ZNF407: variants seen among roughly 807,000 people sequenced by gnomAD.
ZNF407 encodes the protein zinc finger protein 407.
Under a neutral mutation model 131.2 loss-of-function variants are expected in ZNF407, and 17 were observed. The observed-to-expected ratio is 0.13, with a 90% CI of 0.09 to 0.19. The LOEUF is 0.19. ZNF407 is among the 10% of genes least tolerant of loss of function. The probability of loss-of-function intolerance (pLI) is 1.00; values close to 1 mark genes in which losing one functional copy is unlikely to be tolerated. For missense variants in ZNF407, 2,681 were observed against 2,830.6 expected, an observed-to-expected ratio of 0.95 and a Z score of 1.20; for synonymous variants, 1,156 against 1,062.0, an observed-to-expected ratio of 1.09 and a Z score of -1.72.
chr18:75,005,926 G>C (rs1481297041), intron 8 of ZNF407, among the ~76,000 whole-genome samples: 4 of 152,016 alleles, frequency 2.6e-5, no homozygotes, highest in Non-Finnish European at 5.9e-5. Context: ...GTGAACAGCG[G>C]GTCTATGGGA....
intron 8 of ZNF407, among the ~76,000 whole-genome samples, chr18:74,934,579 C>T (rs1408862048): frequency 2.6e-5 from 4 of 152,170 alleles, no homozygotes; most frequent in Non-Finnish European, 5.9e-5. Flanking sequence ...GAGGCCAAGG[C>T]GGGTGGATCA....
chr18:74,668,578 T>C (rs1986020939), intron 3 of ZNF407, among the ~76,000 whole-genome samples: 1 of 152,236 alleles, frequency 6.6e-6, no homozygotes, highest in South Asian at 2.1e-4. Flanking sequence ...GAGACCGTTT[T>C]TCTTACTGCT....
At chr18:74,938,779 A>G (rs532935735) in intron 8 of ZNF407, among the ~76,000 whole-genome samples, 122 of 152,332 alleles carry the variant, frequency 8.0e-4, no homozygotes, top group Non-Finnish European at 1.5e-3. Flanking sequence ...ACTGGGTCCA[A>G]TTTTCTAAGA....
intron 3 of ZNF407, among the ~76,000 whole-genome samples, chr18:74,751,404 G>A (rs1031280155): frequency 6.6e-6 from 1 of 151,762 alleles, no homozygotes; most frequent in African/African-American, 2.4e-5. Flanking sequence ...TTAAGTTCTA[G>A]GGTACATGTG....
intron 4 of ZNF407, 90 bp from the exon 5 acceptor site, chr18:74,877,107 C>A: frequency 8.8e-7 from 1 of 1,135,488 alleles, no homozygotes; most frequent in Non-Finnish European, 1.3e-6. Flanking sequence ...GCGTGTGCAC[C>A]GCACCTCAGG....
At chr18:74,623,186 G>T (rs1238240570) in intron 1 of ZNF407, among the ~76,000 whole-genome samples, 1 of 151,818 alleles carries the variant, frequency 6.6e-6, no homozygotes, top group Non-Finnish European at 1.5e-5. Context: ...ATGTGAATCC[G>T]TGTGTGTCTG....
chr18:74,601,760 G>A (rs371163665), intron 1 of ZNF407, among the ~76,000 whole-genome samples: 2 of 152,132 alleles, frequency 1.3e-5, no homozygotes, highest in African/African-American at 4.8e-5. Context: ...GGACACCCCC[G>A]CCATAATTCA....
chr18:74,803,114 C>G (rs536522125), intron 4 of ZNF407, among the ~76,000 whole-genome samples: 3 of 152,176 alleles, frequency 2.0e-5, no homozygotes, highest in Admixed American at 6.5e-5. Context: ...GCGTTACCAC[C>G]CCCTTAGCCA....
intron 1 of ZNF407, among the ~76,000 whole-genome samples, chr18:74,608,815 T>G (rs1470968479): frequency 1.3e-5 from 2 of 152,220 alleles, no homozygotes; most frequent in Non-Finnish European, 2.9e-5. Flanking sequence ...AATCATGTCC[T>G]TCTCAGTGCA....
In ZNF407 at chr18:74,632,845, A is replaced by G. The variant is rs1166623700; in HGVS notation, c.1826A>G (p.Glu609Gly). 1 of 1,613,792 alleles carries G rather than the reference A, an allele frequency of 6.2e-7. No individual in the cohort carries two copies. The highest frequency in any genetic ancestry group is 8.5e-7 in the Non-Finnish European group (1 of 1,179,886). ...ATAAATCTTAGAGACCACATGAAGG[A>G]AAAGCACAATATGCATTTTCTTTGC... ...DEINLRDHMKEKHNMHFLCTP... is the reference protein window; with the variant it reads ...DEINLRDHMKGKHNMHFLCTP... The change falls in exon 2 of 9, where the codon GAA (glutamate) becomes GGA (glycine). Residue 609 changes from glutamate to glycine, a missense_variant. Physicochemically the swap from Glu to Gly is moderately conservative, Grantham distance 98. Transcript: ENST00000299687.
chr18:74,948,034 T>C (rs1439430984), intron 8 of ZNF407, among the ~76,000 whole-genome samples: 1 of 152,194 alleles, frequency 6.6e-6, no homozygotes, highest in Non-Finnish European at 1.5e-5. Context: ...AGGATACTTG[T>C]CTCCGGGCCT....
chr18:74,752,278 T>G (rs1968824621), intron 3 of ZNF407, among the ~76,000 whole-genome samples: 1 of 152,208 alleles, frequency 6.6e-6, no homozygotes, highest in Non-Finnish European at 1.5e-5. Flanking sequence ...ATATTAGCCC[T>G]TTGTCAGATG....
At chr18:74,728,993 C>G (rs1299880610) in intron 3 of ZNF407, among the ~76,000 whole-genome samples, 1 of 152,086 alleles carries the variant, frequency 6.6e-6, no homozygotes, top group Non-Finnish European at 1.5e-5. Flanking sequence ...CTTTTTTTCT[C>G]TCTGTGATGC....
chr18:74,738,707 C>T (rs1183482557), intron 3 of ZNF407, among the ~76,000 whole-genome samples: 1 of 152,038 alleles, frequency 6.6e-6, no homozygotes, highest in Non-Finnish European at 1.5e-5. Flanking sequence ...CCATTCATCT[C>T]CAGCCCGGGT....
At chr18:75,000,131 G>A (rs1359944303) in intron 8 of ZNF407, among the ~76,000 whole-genome samples, 1 of 152,162 alleles carries the variant, frequency 6.6e-6, no homozygotes, top group African/African-American at 2.4e-5. Flanking sequence ...CTGTGGGCGG[G>A]TCCACAGGAA....
At chr18:75,025,635 T>G (rs891509103) in intron 8 of ZNF407, among the ~76,000 whole-genome samples, 12 of 152,138 alleles carry the variant, frequency 7.9e-5, no homozygotes, top group South Asian at 2.1e-4. Context: ...AGCATTTTGT[T>G]TGTGTGTTAT....
At position 74,980,077 on chromosome 18, in the gene ZNF407, G is replaced by A. The variant is rs150766254; in HGVS notation, c.5428+59385G>A. Among the ~76,000 whole-genome samples, 807 of 151,388 alleles carry A rather than the reference G, an allele frequency of 5.3e-3. 9 individuals carry two copies. Among genetic ancestry groups the A allele is most frequent in the Non-Finnish European group, 8.9e-3 (606 of 67,878 alleles). ...TTTTAATAAAGGGTCGTGTTCTTGC[G>A]TAAAAGCTGCTTCCACTGTTGGAAA... On this transcript the variant is annotated intron_variant, in intron 8 of 8. Transcript: ENST00000299687.
chr18:74,969,806 G>T (rs1419528622), intron 8 of ZNF407, among the ~76,000 whole-genome samples: 3 of 152,298 alleles, frequency 2.0e-5, no homozygotes, highest in African/African-American at 7.2e-5. Context: ...TGTTATTGAT[G>T]GTTTGGTTAA....
At chr18:74,992,394 A>C (rs941962779) in intron 8 of ZNF407, among the ~76,000 whole-genome samples, 1 of 152,090 alleles carries the variant, frequency 6.6e-6, no homozygotes, top group Non-Finnish European at 1.5e-5. Context: ...TGGGATGGAG[A>C]CATAGGAGCA....
Sources: allele counts gnomAD v4.1 joint callset (sites outside exome capture counted in the v4.1 genomes callset), GRCh38; gene constraint gnomAD v4.1.1; transcripts MANE v1.5; gene names NCBI Gene and HGNC (gene_info 2026-07-23, HGNC 2026-07-21).